Variants in TAF1A observed in about 807,000 individuals in gnomAD.
The protein encoded by TAF1A is TATA box-binding protein-associated factor RNA polymerase I subunit A.
A neutral mutation model predicts 61.6 loss-of-function variants in TAF1A; 42 were observed. The ratio of observed to expected loss-of-function variants is 0.68; its 90% CI spans 0.53 to 0.88. TAF1A has a LOEUF of 0.88. TAF1A is among the 40% of genes least tolerant of loss of function. The pLI is 0.00. For missense variants in TAF1A, 424 were observed against 518.7 expected, an observed-to-expected ratio of 0.82 and a Z score of 1.77; for synonymous variants, 179 against 177.7, an observed-to-expected ratio of 1.01 and a Z score of -0.06.
chr1:222,580,411 A>AC (rs1437594715), intron 3 of TAF1A, among the ~76,000 whole-genome samples: 1 of 152,238 alleles, frequency 6.6e-6, no homozygotes, highest in Admixed American at 6.5e-5. Flanking sequence ...TCCTCAGATC[A>AC]CCAAAACTTT....
chr1:222,569,455 A>C, intron 7 of TAF1A, 55 bp downstream of exon 7: 1 of 1,613,126 alleles, frequency 6.2e-7, no homozygotes, highest in Non-Finnish European at 8.5e-7. Flanking sequence ...TGGCCTAAGA[A>C]TGTTTTAATG....
At chr1:222,573,099 T>C (rs1473629631) in intron 5 of TAF1A, among the ~76,000 whole-genome samples, 4 of 152,204 alleles carry the variant, frequency 2.6e-5, no homozygotes, top group Admixed American at 6.5e-5. Context: ...TGAAACCCCA[T>C]TTCTACTAAA....
At chr1:222,560,506 T>A (rs186725694) in intron 10 of TAF1A, among the ~76,000 whole-genome samples, 2 of 152,280 alleles carry the variant, frequency 1.3e-5, no homozygotes, top group East Asian at 3.9e-4. Flanking sequence ...CAAAGAGACC[T>A]CTTGATAATT....
intron 9 of TAF1A, 74 bp downstream of exon 9, chr1:222,563,099 A>C: frequency 7.4e-7 from 1 of 1,355,540 alleles, no homozygotes; most frequent in Non-Finnish European, 1.0e-6. Context: ...AAGATCTTTA[A>C]AAATTGATAT....
chr1:222,580,785 A>G (rs74148136), intron 3 of TAF1A, among the ~76,000 whole-genome samples: 11 of 88,392 alleles, frequency 1.2e-4, no homozygotes, highest in Middle Eastern at 0.014. Flanking sequence ...AAAAAAAAAA[A>G]AGAAAACTTT....
intron 7 of TAF1A, 144 bp downstream of exon 7, chr1:222,569,366 G>A (rs762177855): frequency 2.7e-5 from 42 of 1,554,488 alleles, no homozygotes; most frequent in Non-Finnish European, 3.4e-5. Flanking sequence ...ATGGCAGCTG[G>A]AGCCAACTTT....
chr1:222,563,063 A>G (rs11485179), intron 9 of TAF1A, 110 bp downstream of exon 9: 317,281 of 1,092,640 alleles, frequency 0.29, 49,653 homozygotes, highest in African/African-American at 0.56. Flanking sequence ...TGAAGACACA[A>G]TTCAAGAAAT....
At chr1:222,582,984 G>T (rs1351560642) in intron 3 of TAF1A, among the ~76,000 whole-genome samples, 1 of 152,074 alleles carries the variant, frequency 6.6e-6, no homozygotes, top group East Asian at 1.9e-4. Flanking sequence ...AGGAGTTCAA[G>T]ACCTGCCTGG....
intron 7 of TAF1A, among the ~76,000 whole-genome samples, chr1:222,566,946 A>G (rs1295807379): frequency 6.6e-6 from 1 of 152,238 alleles, no homozygotes; most frequent in Non-Finnish European, 1.5e-5. Context: ...TTCACTCCTG[A>G]GTATACACCC....
intron 2 of TAF1A, among the ~76,000 whole-genome samples, chr1:222,587,546 G>C (rs1273065233): frequency 6.6e-6 from 1 of 152,166 alleles, no homozygotes; most frequent in Non-Finnish European, 1.5e-5. Flanking sequence ...TAAGTAAAAT[G>C]CTGGTTCAAA....
intron 4 of TAF1A, among the ~76,000 whole-genome samples, chr1:222,578,362 G>A (rs1282335835): frequency 6.6e-6 from 1 of 152,114 alleles, no homozygotes; most frequent in Non-Finnish European, 1.5e-5. Flanking sequence ...TCTTTCAAGT[G>A]GCTACCAAAG....
At chr1:222,584,028 C>T (rs1442398494) in intron 3 of TAF1A, 100 bp downstream of exon 3, 4 of 1,411,848 alleles carry the variant, frequency 2.8e-6, no homozygotes, top group Non-Finnish European at 3.8e-6. Context: ...TAGCTTTTAG[C>T]AAAATCACTG....
rs570038581 is a variant in TAF1A, at chr1:222,582,800, A to G, written c.291+1328T>C. On this transcript the variant is annotated intron_variant, in intron 3 of 10. Transcript: ENST00000352967. ...TACTTATACATGCTACAACATGGAT[A>G]AACCATGAAAACATTATGCCAAGTG... is the stretch of plus-strand genomic sequence containing the variant. 7.9e-5 allele frequency among the ~76,000 whole-genome samples: 12 copies of G among 152,378 alleles called. No individual in the cohort carries two copies. The East Asian group carries it at 2.1e-3, about 27-fold the overall frequency.
At chr1:222,589,643 T>C (rs1171228707) in intron 1 of TAF1A, 84 bp downstream of exon 1, 6 of 159,978 alleles carry the variant, frequency 3.8e-5, no homozygotes, top group Non-Finnish European at 2.7e-5. Flanking sequence ...GGAGGAAATA[T>C]CAGGAGAACA....
intron 5 of TAF1A, among the ~76,000 whole-genome samples, chr1:222,571,214 A>G (rs1405947365): frequency 6.6e-6 from 1 of 152,186 alleles, no homozygotes; most frequent in African/African-American, 2.4e-5. Flanking sequence ...TCAACAATGT[A>G]GGAACAGAAG....
At chr1:222,575,264 T>C (rs1003183745) in intron 5 of TAF1A, among the ~76,000 whole-genome samples, 6 of 152,092 alleles carry the variant, frequency 3.9e-5, no homozygotes, top group African/African-American at 1.4e-4. Flanking sequence ...TTCACGCCTG[T>C]AATCCTAGCA....
Position 222,570,747 on chromosome 1 carries a change from G to A in TAF1A, c.605-82C>T, listed in dbSNP as rs185272706. On this transcript the variant is annotated intron_variant, in intron 5 of 10. Coordinates refer to ENST00000352967, the MANE Select transcript of TAF1A (RefSeq NM_005681.4). The stretch of plus-strand genomic sequence containing the variant: ...ATTAGTAATTTAAAAAACTATCTGC[G>A]AGAAAAACTCAGTTGCTGATAGCTA... 563 of 1,358,562 alleles carry A rather than the reference G, an allele frequency of 4.1e-4. 2 individuals carry two copies. The highest frequency in any genetic ancestry group is 3.6e-3 in the African/African-American group (251 of 69,028). The allele number at this position is 1,358,562 out of a possible 1,614,324, so 84.2% of individuals were successfully genotyped here.
intron 7 of TAF1A, chr1:222,568,901 G>A (rs1660228448): frequency 6.5e-6 from 1 of 152,688 alleles, no homozygotes; most frequent in Admixed American, 6.5e-5. Context: ...CTATTCAGCA[G>A]TAATAAGGAA....
intron 5 of TAF1A, among the ~76,000 whole-genome samples, chr1:222,576,861 C>G (rs1660590526): frequency 6.6e-6 from 1 of 152,190 alleles, no homozygotes. Context: ...TTCTTCTTGA[C>G]CAAACTCCAG....
Sources: allele counts gnomAD v4.1 joint callset (sites outside exome capture counted in the v4.1 genomes callset), GRCh38; gene constraint gnomAD v4.1.1; transcripts MANE v1.5; gene names NCBI Gene and HGNC (gene_info 2026-07-23, HGNC 2026-07-21).